APOM: variants seen among roughly 807,000 people sequenced by gnomAD.
APOM encodes the protein apolipoprotein M.
In APOM, 24 loss-of-function variants were observed where a neutral mutation model predicts 23.5. The observed-to-expected ratio is 1.02, with a 90% confidence interval of 0.74 to 1.44. The LOEUF (loss-of-function observed/expected upper bound fraction) is 1.44. Ranked by LOEUF, APOM falls within the 40% of genes most tolerant of loss-of-function variation. The pLI is 0.00. For synonymous variants in APOM, 82 were observed against 84.1 expected, an observed-to-expected ratio of 0.97 and a Z score of 0.14; for missense variants, 200 against 233.2, an observed-to-expected ratio of 0.86 and a Z score of 0.93.
intron 1 of APOM, 58 bp from the exon 2 acceptor site, chr6:31,656,414 G>T: frequency 6.3e-7 from 1 of 1,575,510 alleles, no homozygotes; most frequent in East Asian, 2.2e-5. Context: ...TGATGAAGAG[G>T]TTGAACCCAT....
chr6:31,656,739 G>A (rs778946456), intron 2 of APOM, 113 bp downstream of exon 2: 16 of 1,309,178 alleles, frequency 1.2e-5, no homozygotes, highest in African/African-American at 1.5e-5. Context: ...CTTGGCCCAC[G>A]GAATTCAGTG....
chr6:31,653,985 G>A (rs1300334458), upstream of APOM, among the ~76,000 whole-genome samples: 1 of 152,060 alleles, frequency 6.6e-6, no homozygotes, highest in Non-Finnish European at 1.5e-5. Flanking sequence ...ATTTTCGGCC[G>A]GGCGCAGTGA....
chr6:31,653,743 G>A (rs1021028108), upstream of APOM, among the ~76,000 whole-genome samples: 3 of 152,028 alleles, frequency 2.0e-5, no homozygotes, highest in East Asian at 3.9e-4. Context: ...GTGCAGTGGC[G>A]CAATCACAAC....
At position 31,655,970 on chromosome 6, in the gene APOM, T is replaced by C. The variant is rs1351094687; in HGVS notation, c.4T>C (p.Phe2Leu). 3.1e-6 allele frequency: 5 copies of C among 1,594,130 alleles called. No individual in the cohort carries two copies. The highest frequency in any genetic ancestry group is 1.7e-5 in the Admixed American group (1 of 57,452). Residue 2 changes from phenylalanine to leucine, a missense_variant, in exon 1 of 6, where the codon TTC becomes CTC. Coordinates refer to ENST00000375916, the MANE Select transcript of APOM (RefSeq NM_019101.3). M[F>L]HQIWAALLYF... ...ACCAGCTCCCTCCTGCCTGAAGATG[T>C]TCCACCAAATTTGGGCAGCTCTGCT...
intron 1 of APOM, 54 bp from the exon 2 acceptor site, chr6:31,656,418 A>G: frequency 6.3e-7 from 1 of 1,583,938 alleles, no homozygotes; most frequent in Non-Finnish European, 8.6e-7. Flanking sequence ...GAAGAGGTTG[A>G]ACCCATCCTG....
intron 5 of APOM, 166 bp from the exon 6 acceptor site, chr6:31,657,898 C>A: frequency 1.0e-6 from 1 of 956,670 alleles, no homozygotes; most frequent in Middle Eastern, 2.2e-4. Flanking sequence ...TGAGTTTGCA[C>A]TGGATAAAGG....
At position 31,658,103 on chromosome 6, in the gene APOM, C is replaced by T; in HGVS notation, c.*14C>T. 1.2e-6 allele frequency: 2 copies of T among 1,613,998 alleles called. No individual in the cohort carries two copies. On this transcript the variant is annotated 3_prime_UTR_variant, in exon 6 of 6. Coordinates refer to ENST00000375916, the MANE Select transcript of APOM (RefSeq NM_019101.3). Reference sequence around the variant, plus strand: ...TCCAATAACTGACCTGTAACTTCATCTAAGTCCCCAGATGGGTACAATGGG... The same window carrying T: ...TCCAATAACTGACCTGTAACTTCATTTAAGTCCCCAGATGGGTACAATGGG...
At chr6:31,657,503 G>T in intron 4 of APOM, 25 bp downstream of exon 4, 1 of 1,611,406 alleles carries the variant, frequency 6.2e-7, no homozygotes, top group Non-Finnish European at 8.5e-7. Flanking sequence ...AAGGCAGGAA[G>T]GGTTGGAGGG....
chr6:31,657,704 A>G lies in APOM; in HGVS notation c.522A>G (p.Leu174=). The stretch of plus-strand genomic sequence containing the variant: ...CCTGCCTGGACTCCAAAGCCTTCTT[A>G]TTGACTCCTAGGAATCAAGGTAAGG... ...LTSCLDSKAF[L]LTPRNQEACE... Residue 174 remains leucine (L), a synonymous_variant, in exon 5 of 6, where the codon TTA becomes TTG. Coordinates refer to ENST00000375916, the MANE Select transcript of APOM (RefSeq NM_019101.3). 6.2e-7 allele frequency: 1 copy of G among 1,612,702 alleles called. No homozygotes were observed. Among genetic ancestry groups the G allele is most frequent in the African/African-American group, 1.3e-5 (1 of 75,018 alleles).
chr6:31,652,980 C>G (rs1798924196), upstream of APOM, among the ~76,000 whole-genome samples: 2 of 152,148 alleles, frequency 1.3e-5, no homozygotes, highest in South Asian at 4.1e-4. Flanking sequence ...GCCCTTTCTT[C>G]TGTGCCTCCG....
chr6:31,657,284 A>G lies in APOM; in HGVS notation c.329A>G (p.Asp110Gly). 6.2e-7 allele frequency: 1 copy of G among 1,613,100 alleles called. No homozygotes were observed. The highest frequency in any genetic ancestry group is 8.5e-7 in the Non-Finnish European group (1 of 1,180,036). Residue 110 changes from aspartate to glycine, a missense_variant, in exon 3 of 6, where the codon GAT becomes GGT. Physicochemically the swap from Asp to Gly is moderately conservative, Grantham distance 94. Coordinates refer to ENST00000375916, the MANE Select transcript of APOM (RefSeq NM_019101.3). The part of the protein sequence containing the change: ...WIYHLTEGST[D>G]LRTEGRPDMK... ...TACCACCTGACTGAAGGGAGCACAG[A>G]TCTCAGAACTGAAGGTTGGTTCTTC...
intron 1 of APOM, 119 bp downstream of exon 1, chr6:31,656,199 G>A: frequency 2.3e-6 from 2 of 851,688 alleles, no homozygotes; most frequent in Non-Finnish European, 3.7e-6. Context: ...TGAGTGTTGT[G>A]ATAATGAAAG....
chr6:31,657,763 C>T (rs767611448), intron 5 of APOM, 40 bp downstream of exon 5: 3 of 1,545,574 alleles, frequency 1.9e-6, no homozygotes, highest in East Asian at 2.2e-5. Context: ...TTAGGACTCA[C>T]CAAGTCTTCT....
chr6:31,657,398 C>T lies in APOM; in HGVS notation c.362C>T (p.Thr121Ile), dbSNP rs563294294. 1.1e-5 allele frequency: 18 copies of T among 1,613,090 alleles called. No homozygotes were observed. Among genetic ancestry groups the T allele is most frequent in the Non-Finnish European group, 1.4e-5 (17 of 1,180,042 alleles). The change falls in exon 4 of 6, where the codon ACT becomes ATT. Residue 121 changes from threonine to isoleucine, a missense_variant. Transcript: ENST00000375916. ...LRTEGRPDMK[T>I]ELFSSSCPGG... is the part of the protein sequence containing the mutation. ...TTGACAGGCCGCCCTGACATGAAGACTGAGCTCTTTTCCAGCTCATGCCCA... is the reference window on the plus strand; with the variant it reads ...TTGACAGGCCGCCCTGACATGAAGATTGAGCTCTTTTCCAGCTCATGCCCA...
chr6:31,656,572 A>G lies in APOM; in HGVS notation c.215A>G (p.Asn72Ser), dbSNP rs191756030. 4.7e-5 allele frequency: 76 copies of G among 1,614,142 alleles called. No individual in the cohort carries two copies. In the South Asian group the frequency reaches 6.6e-4, roughly 14 times the overall value. ...GACCCTGTGGACAACATTGTCTTCA[A>G]TATGGCTGCTGGCTCTGCCCCGATG... ...TFDPVDNIVF[N>S]MAAGSAPMQL... Residue 72 changes from asparagine (N) to serine (S), a missense_variant, in exon 2 of 6, where the codon AAT (asparagine) becomes AGT (serine). By Grantham distance (46) the Asn-to-Ser change is conservative (BLOSUM62 1). Transcript: ENST00000375916.
Position 31,657,278 on chromosome 6 carries a change from G to A in APOM, c.323G>A (p.Ser108Asn). 6.2e-7 allele frequency: 1 copy of A among 1,613,076 alleles called. No homozygotes were observed. The highest frequency in any genetic ancestry group is 1.7e-5 in the Admixed American group (1 of 60,020). ...RKWIYHLTEGSTDLRTEGRPD... is the reference protein window; with the variant it reads ...RKWIYHLTEGNTDLRTEGRPD... The stretch of plus-strand genomic sequence containing the variant: ...TGGATCTACCACCTGACTGAAGGGA[G>A]CACAGATCTCAGAACTGAAGGTTGG... Residue 108 changes from serine to asparagine, a missense_variant, in exon 3 of 6, where the codon AGC (serine) becomes AAC (asparagine). Physicochemically the swap from Ser to Asn is conservative, Grantham distance 46. Coordinates refer to ENST00000375916, the MANE Select transcript of APOM (RefSeq NM_019101.3).
intron 4 of APOM, 32 bp from the exon 5 acceptor site, chr6:31,657,593 T>C: frequency 1.2e-6 from 2 of 1,605,610 alleles, no homozygotes; most frequent in Non-Finnish European, 1.7e-6. Context: ...TCCAGGGGTT[T>C]TGACTGGCCT....
At position 31,656,534 on chromosome 6, in the gene APOM, G is replaced by A; in HGVS notation, c.177G>A (p.Glu59=). The A allele has an allele frequency of 6.2e-7, 1 of 1,614,166 alleles. No homozygotes were observed. Among genetic ancestry groups the A allele is most frequent in the South Asian group, 1.1e-5 (1 of 91,078 alleles). The part of the protein sequence containing the change: ...FIAGAAPTKE[E]LATFDPVDNI... ...CAGGGGCAGCTCCCACCAAGGAGGAGTTGGCAACTTTTGACCCTGTGGACA... is the reference window on the plus strand; with the variant it reads ...CAGGGGCAGCTCCCACCAAGGAGGAATTGGCAACTTTTGACCCTGTGGACA... The change falls in exon 2 of 6, where the codon GAG becomes GAA. Residue 59 remains glutamate (E), a synonymous_variant. Transcript: ENST00000375916.
upstream of APOM, among the ~76,000 whole-genome samples, chr6:31,653,317 C>T (rs1328348336): frequency 2.6e-5 from 4 of 152,138 alleles, no homozygotes; most frequent in Admixed American, 6.5e-5. Flanking sequence ...GAGGCATTAC[C>T]GCCTCTCCGT....
Sources: gnomAD v4.1 joint callset for allele counts (sites outside exome capture counted in the v4.1 genomes callset) on GRCh38, gnomAD v4.1.1 for gene constraint, MANE v1.5 for transcripts, NCBI Gene and HGNC (gene_info 2026-07-23, HGNC 2026-07-21) for gene names.